The following POLR1A variants were observed in gnomAD, a reference collection of about 807,000 sequenced individuals.
POLR1A encodes the protein DNA-directed RNA polymerase I subunit RPA1.
POLR1A carries 84 observed loss-of-function variants against 205.3 expected under a neutral mutation model. The ratio of observed to expected loss-of-function variants is 0.41; its 90% CI spans 0.34 to 0.49. The LOEUF (loss-of-function observed/expected upper bound fraction) is 0.49, where lower values mean the gene tolerates loss of function less well. POLR1A is among the 20% of genes least tolerant of loss of function. The pLI is 0.22. For synonymous variants in POLR1A, 799 were observed against 863.7 expected (o/e 0.93, Z 1.31); for missense variants, 1,645 against 2,204.5 (o/e 0.75, Z 5.08).
At chr2:86,084,730 G>A (rs550831339) in intron 6 of POLR1A, among the ~76,000 whole-genome samples, 5 of 144,114 alleles carry the variant, frequency 3.5e-5, no homozygotes, top group East Asian at 2.1e-4. Flanking sequence ...GCAGCGGCAC[G>A]ATCTCAGCTC....
intron 13 of POLR1A, among the ~76,000 whole-genome samples, chr2:86,068,388 G>GT (rs985989126): frequency 3.4e-5 from 4 of 116,960 alleles, no homozygotes; most frequent in South Asian, 3.8e-4. Flanking sequence ...CACATGGGCG[G>GT]GGGGGGGGGG....
rs767856341 is a variant in POLR1A, at chr2:86,105,772, A to G, written c.5T>C (p.Leu2Ser). 3 of 1,613,526 alleles carry G rather than the reference A, an allele frequency of 1.9e-6. No individual in the cohort carries two copies. The South Asian group carries it at 3.3e-5, about 18-fold the overall frequency. ...CCGCCAGGGCATGTTCTTGGAGATC[A>G]ACATCCTCCAGGTCCGTTTTGAATT... MLISKNMPWRRL... is the reference protein window; with the variant it reads MSISKNMPWRRL... Residue 2 changes from leucine (L) to serine (S), a missense_variant, in exon 1 of 34, where the codon TTG becomes TCG. By Grantham distance (145) the Leu-to-Ser change is moderately radical (BLOSUM62 -2). Coordinates refer to ENST00000263857, the MANE Select transcript of POLR1A (RefSeq NM_015425.6).
At chr2:86,062,023 T>G (rs1336103668) in intron 14 of POLR1A, among the ~76,000 whole-genome samples, 1 of 152,126 alleles carries the variant, frequency 6.6e-6, no homozygotes, top group African/African-American at 2.4e-5. Context: ...AGACCTTCGG[T>G]TTGTAAATAG....
At position 86,045,376 on chromosome 2, in the gene POLR1A, C is replaced by T; in HGVS notation, c.2887-16G>A. ...AGAAGAACTCCTGCAGAGAATGGGACCCAGGTCCCAAAGGTGACAGTGAGG... is the reference window on the plus strand; with the variant it reads ...AGAAGAACTCCTGCAGAGAATGGGATCCAGGTCCCAAAGGTGACAGTGAGG... On this transcript the variant is annotated splice_polypyrimidine_tract_variant and intron_variant, in intron 20 of 33. Transcript: ENST00000263857. 6.2e-7 allele frequency: 1 copy of T among 1,600,356 alleles called. No homozygotes were observed. Among genetic ancestry groups the T allele is most frequent in the South Asian group, 1.1e-5 (1 of 90,784 alleles).
intron 3 of POLR1A, among the ~76,000 whole-genome samples, chr2:86,094,192 A>G (rs1673660699): frequency 6.6e-6 from 1 of 152,170 alleles, no homozygotes; most frequent in South Asian, 2.1e-4. Flanking sequence ...AAAAAAGACT[A>G]TGTGTGTGTA....
chr2:86,033,850 T>C (rs931297881), intron 27 of POLR1A, 63 bp from the exon 28 acceptor site: 4 of 1,589,222 alleles, frequency 2.5e-6, no homozygotes, highest in Non-Finnish European at 3.4e-6. Context: ...CTACCCTCAT[T>C]TGGGGGATAG....
At chr2:86,041,844 G>A in intron 24 of POLR1A, 45 bp downstream of exon 24, 1 of 1,518,620 alleles carries the variant, frequency 6.6e-7, no homozygotes, top group Non-Finnish European at 9.1e-7. Flanking sequence ...GGGGCTAGGA[G>A]GCAGATTCTC....
rs534887757 is a variant in POLR1A, at chr2:86,081,220, A to AC, written c.924-243dup. On this transcript the variant is annotated intron_variant, in intron 8 of 33. Transcript: ENST00000263857. The stretch of plus-strand genomic sequence containing the variant: ...AGACCAGCCTGGCCAACATGGTGAA[A>AC]CCCCATCTCTATGTAAAATACAAAA... 9.9e-5 allele frequency among the ~76,000 whole-genome samples: 15 copies of AC among 152,194 alleles called. No homozygotes were observed. In the South Asian group the frequency reaches 3.1e-3, roughly 32 times the overall value.
intron 13 of POLR1A, among the ~76,000 whole-genome samples, chr2:86,069,333 ACT>A (rs1453619233): frequency 1.3e-5 from 2 of 151,984 alleles, no homozygotes; most frequent in Non-Finnish European, 2.9e-5. Context: ...ACTGGAACAC[ACT>A]CTGTCTTCTT....
intron 3 of POLR1A, among the ~76,000 whole-genome samples, chr2:86,091,842 G>T (rs1355994751): frequency 1.3e-5 from 2 of 152,182 alleles, no homozygotes; most frequent in East Asian, 3.9e-4. Flanking sequence ...GGCCGGGCAC[G>T]GTGGCTCACA....
Position 86,025,881 on chromosome 2 carries a change from G to C in POLR1A, c.*1542C>G, listed in dbSNP as rs1241740782. The C allele has an allele frequency of 6.6e-6, 1 of 152,222 alleles. No individual in the cohort carries two copies. Among genetic ancestry groups the C allele is most frequent in the Non-Finnish European group, 1.5e-5 (1 of 68,070 alleles). 9.4% of individuals were successfully genotyped at this position (152,222 alleles called of 1,614,324 possible). A position where few individuals can be genotyped will look rare whatever the true frequency, so the allele number is the denominator to read the frequency against. On this transcript the variant is annotated 3_prime_UTR_variant, in exon 34 of 34. Coordinates refer to ENST00000263857, the MANE Select transcript of POLR1A (RefSeq NM_015425.6). ...TATTCCTCTGTGCCCATGCCTTGGT[G>C]AACCTGGCAGACCCCGTTAGGAGGT... is the stretch of plus-strand genomic sequence containing the variant.
intron 27 of POLR1A, 145 bp downstream of exon 27, chr2:86,038,555 C>G: frequency 1.4e-6 from 1 of 733,546 alleles, no homozygotes; most frequent in Non-Finnish European, 2.2e-6. Context: ...CTGCAAGGCC[C>G]TCTGCTTCCT....
Position 86,105,710 on chromosome 2 carries a change from C to T in POLR1A, c.67G>A (p.Glu23Lys), listed in dbSNP as rs748145508. The T allele has an allele frequency of 6.2e-7, 1 of 1,613,138 alleles. No homozygotes were observed. Among genetic ancestry groups the T allele is most frequent in the Non-Finnish European group, 8.5e-7 (1 of 1,179,054 alleles). Residue 23 changes from glutamate to lysine, a missense_variant, in exon 1 of 34, where the codon GAA becomes AAA. This residue lies in a region of POLR1A where 330 missense variants were observed against 375.6 expected (regional missense o/e 0.88). Transcript: ENST00000263857. Reference sequence around the variant, plus strand: ...CGACCAACTCCTTACTTGAGCTCTTCAGCCGAATACATCCCGAAGGAAATG... The same window carrying T: ...CGACCAACTCCTTACTTGAGCTCTTTAGCCGAATACATCCCGAAGGAAATG... ...QGISFGMYSA[E>K]ELKKLSVKSI...
chr2:86,046,888 T>C (rs1672719901), intron 19 of POLR1A, among the ~76,000 whole-genome samples: 1 of 152,132 alleles, frequency 6.6e-6, no homozygotes, highest in Non-Finnish European at 1.5e-5. Flanking sequence ...ATTGTGTGAG[T>C]ATACATAATT....
At chr2:86,069,178 G>C (rs947565035) in intron 13 of POLR1A, among the ~76,000 whole-genome samples, 1 of 152,230 alleles carries the variant, frequency 6.6e-6, no homozygotes, top group Non-Finnish European at 1.5e-5. Flanking sequence ...TTGGGAAATG[G>C]GAGCCTTGGT....
chr2:86,051,831 C>T (rs1319495332), intron 16 of POLR1A, among the ~76,000 whole-genome samples: 1 of 152,244 alleles, frequency 6.6e-6, no homozygotes, highest in Admixed American at 6.5e-5. Context: ...AGCCATTTTC[C>T]TAAAACAGCG....
At chr2:86,051,273 T>C (rs1268606658) in intron 16 of POLR1A, among the ~76,000 whole-genome samples, 1 of 152,088 alleles carries the variant, frequency 6.6e-6, no homozygotes, top group African/African-American at 2.4e-5. Flanking sequence ...GTATTTGTAC[T>C]AGAAAAGTCT....
intron 14 of POLR1A, among the ~76,000 whole-genome samples, chr2:86,064,060 T>C (rs1412439068): frequency 6.6e-6 from 1 of 152,240 alleles, no homozygotes; most frequent in East Asian, 1.9e-4. Context: ...ACATCTTGAA[T>C]CCTTTTAAAA....
In POLR1A at chr2:86,090,000, A is replaced by T. The variant is rs1159569259; in HGVS notation, c.433-71T>A. 5.0e-6 allele frequency: 4 copies of T among 797,026 alleles called. No individual in the cohort carries two copies. The Admixed American group carries it at 7.6e-5, about 15-fold the overall frequency. 49.4% of individuals were successfully genotyped at this position (797,026 alleles called of 1,614,324 possible). On this transcript the variant is annotated intron_variant, in intron 3 of 33. Coordinates refer to ENST00000263857, the MANE Select transcript of POLR1A (RefSeq NM_015425.6). ...TCTGATGAGCAGCACAACTGGGACC[A>T]ACCTCTCCAAGGGTGGAAAAGATTC...
Sources: gnomAD v4.1 joint callset for allele counts (sites outside exome capture counted in the v4.1 genomes callset) on GRCh38, gnomAD v4.1.1 for gene constraint, gnomAD v4.1.1 regional missense constraint, MANE v1.5 for transcripts, NCBI Gene and HGNC (gene_info 2026-07-23, HGNC 2026-07-21) for gene names.